TLE1: variants seen among roughly 807,000 people sequenced by gnomAD.
TLE1 encodes TLE family member 1, transcriptional corepressor.
A neutral mutation model predicts 89.8 loss-of-function variants in TLE1; 21 were observed. That is an observed-to-expected ratio of 0.23 (90% CI 0.17 to 0.34). The LOEUF (loss-of-function observed/expected upper bound fraction) is 0.34. TLE1 is among the 10% of genes least tolerant of loss of function. The probability of loss-of-function intolerance (pLI) is 1.00; values close to 1 mark genes in which losing one functional copy is unlikely to be tolerated. For synonymous variants in TLE1, 447 were observed against 407.6 expected (o/e 1.10, Z -1.16); for missense variants, 795 against 1,031.2 (o/e 0.77, Z 3.14).
In TLE1 at chr9:81,688,329, G is replaced by T; in HGVS notation, c.-89C>A. On this transcript the variant is annotated 5_prime_UTR_variant, in exon 1 of 20. Coordinates refer to ENST00000376499, the MANE Select transcript of TLE1 (RefSeq NM_005077.5). ...TAATCCCGCCGAGGAAAATTAAGCC[G>T]GAAAGCCAAGCAGAAGCGGGGAGCG... 1 of 1,380,128 alleles carries T rather than the reference G, an allele frequency of 7.2e-7. No homozygotes were observed. Among genetic ancestry groups the T allele is most frequent in the Non-Finnish European group, 9.5e-7 (1 of 1,052,950 alleles). The allele number at this position is 1,380,128 out of a possible 1,614,324, so 85.5% of individuals were successfully genotyped here.
At chr9:81,687,669 C>T (rs1343513248) in intron 1 of TLE1, among the ~76,000 whole-genome samples, 1 of 152,104 alleles carries the variant, frequency 6.6e-6, no homozygotes. Context: ...GCGGATTGCG[C>T]TAAGTGCGCC....
rs1455466639 is a variant in TLE1, at chr9:81,600,169, A to C, written c.1332-6895T>G. ...AAATTCTTGGATGGAAAGTAAAACA[A>C]AAAGAGGCTTAATATATTGCTATTT... On this transcript the variant is annotated intron_variant, in intron 14 of 19. Coordinates refer to ENST00000376499, the MANE Select transcript of TLE1 (RefSeq NM_005077.5). 8.5e-6 allele frequency: 6 copies of C among 707,366 alleles called. No homozygotes were observed. In the East Asian group the frequency reaches 1.6e-4, roughly 19 times the overall value. The allele number at this position is 707,366 out of a possible 1,614,324, so 43.8% of individuals were successfully genotyped here.
Position 81,609,000 on chromosome 9 carries a change from A to C in TLE1, c.1331+1220T>G, listed in dbSNP as rs535345864. On this transcript the variant is annotated intron_variant, in intron 14 of 19. Coordinates refer to ENST00000376499, the MANE Select transcript of TLE1 (RefSeq NM_005077.5). ...AAGAAAAAAAAGCAACAACATTTGC[A>C]AAGATCTGCTGCCTTAAAGAAAAAG... Among the ~76,000 whole-genome samples the C allele has an allele frequency of 2.0e-5, 3 of 152,252 alleles. No homozygotes were observed. The East Asian group carries it at 5.8e-4, about 29-fold the overall frequency.
chr9:81,670,168 CTGAG>C (rs1377246290), intron 4 of TLE1, among the ~76,000 whole-genome samples: 2 of 152,342 alleles, frequency 1.3e-5, no homozygotes, highest in Admixed American at 6.5e-5. Flanking sequence ...TACAGTCCTC[CTGAG>C]TAATAGACTT....
Position 81,590,877 on chromosome 9 carries a change from G to A in TLE1, c.1757C>T (p.Ser586Phe). The A allele has an allele frequency of 6.2e-7, 1 of 1,614,244 alleles. No individual in the cohort carries two copies. Among genetic ancestry groups the A allele is most frequent in the Non-Finnish European group, 8.5e-7 (1 of 1,180,046 alleles). Residue 586 changes from serine (S) to phenylalanine (F), a missense_variant, in exon 16 of 20, where the codon TCC (serine) becomes TTC (phenylalanine). By Grantham distance (155) the Ser-to-Phe change is radical. Around this residue, in one of 4 missense-constraint regions of TLE1, gnomAD observed 214 missense variants for 354.9 expected, o/e 0.60. Transcript: ENST00000376499. Reference sequence around the variant, plus strand: ...GCTGCAGCATGAGAAGCAGACCTTGGAATCGGGGCTGATGGCCAGGGCGTA... The same window carrying A: ...GCTGCAGCATGAGAAGCAGACCTTGAAATCGGGGCTGATGGCCAGGGCGTA... ...ACYALAISPDSKVCFSCCSDG... is the reference protein window; with the variant it reads ...ACYALAISPDFKVCFSCCSDG...
chr9:81,644,619 A>C (rs1828588805), intron 6 of TLE1, among the ~76,000 whole-genome samples: 2 of 152,164 alleles, frequency 1.3e-5, no homozygotes, highest in Admixed American at 6.5e-5. Context: ...GGTGACAAAA[A>C]TGTTCTAGAA....
At position 81,610,263 on chromosome 9, in the gene TLE1, G is replaced by C. The variant is rs139039794; in HGVS notation, c.1288C>G (p.Pro430Ala). The C allele has an allele frequency of 3.7e-6, 6 of 1,613,848 alleles. No homozygotes were observed. In the African/African-American group the frequency reaches 8.0e-5, roughly 22 times the overall value. The change falls in exon 14 of 20, where the codon CCT (proline) becomes GCT (alanine). Residue 430 changes from proline (P) to alanine (A), a missense_variant. Pro to Ala is a conservative substitution (Grantham distance 27). Coordinates refer to ENST00000376499, the MANE Select transcript of TLE1 (RefSeq NM_005077.5). ...GFDPPPHMRV[P>A]TIPPNLAGIP... ...CCTGCCAGGTTTGGAGGAATGGTAGGTACTCTCATGTGAGGGGGAGGATCA... is the reference window on the plus strand; with the variant it reads ...CCTGCCAGGTTTGGAGGAATGGTAGCTACTCTCATGTGAGGGGGAGGATCA...
intron 4 of TLE1, among the ~76,000 whole-genome samples, chr9:81,673,272 TAAAAAAA>T (rs5898756): frequency 1.6e-4 from 16 of 98,022 alleles, no homozygotes; most frequent in African/African-American, 6.0e-4. Flanking sequence ...AGACTTCATT[TAAAAAAA>T]AAAAAAAAAA....
chr9:81,653,664 G>C (rs1307380733), intron 5 of TLE1, among the ~76,000 whole-genome samples: 1 of 152,124 alleles, frequency 6.6e-6, no homozygotes. Flanking sequence ...CTATTTAAAA[G>C]ATATAAAAGA....
At chr9:81,629,409 T>C (rs975558502) in intron 8 of TLE1, among the ~76,000 whole-genome samples, 6 of 152,294 alleles carry the variant, frequency 3.9e-5, no homozygotes, top group African/African-American at 1.4e-4. Context: ...GCTGCACTTA[T>C]ATAAGAAAAA....
intron 18 of TLE1, 152 bp from the exon 19 acceptor site, chr9:81,584,676 T>C: frequency 1.4e-6 from 1 of 691,056 alleles, no homozygotes; most frequent in Non-Finnish European, 2.4e-6. Flanking sequence ...GGTTTTAATC[T>C]GGGCTCCTCA....
At chr9:81,627,533 A>G (rs1826053083) in intron 8 of TLE1, among the ~76,000 whole-genome samples, 1 of 152,188 alleles carries the variant, frequency 6.6e-6, no homozygotes, top group African/African-American at 2.4e-5. Context: ...CAGTGATGCC[A>G]ACTTTCTCAA....
intron 4 of TLE1, among the ~76,000 whole-genome samples, chr9:81,655,846 C>G (rs1328791810): frequency 8.5e-6 from 1 of 117,022 alleles, no homozygotes; most frequent in Admixed American, 8.5e-5. Context: ...GAGCAAGACC[C>G]TGTCTCAAAA....
intron 4 of TLE1, among the ~76,000 whole-genome samples, chr9:81,658,010 A>G (rs559240849): frequency 2.3e-4 from 35 of 150,494 alleles, no homozygotes; most frequent in Non-Finnish European, 4.1e-4. Context: ...CCCGGGTTCT[A>G]AGGAACTCTC....
intron 4 of TLE1, among the ~76,000 whole-genome samples, chr9:81,662,361 TTGTGTGTGTGTGTGTGTGTGTGTGTGTG>T (rs371936084): frequency 7.2e-6 from 1 of 138,360 alleles, no homozygotes; most frequent in East Asian, 2.1e-4. Context: ...TGTGCCTGTT[TTGTGTGTGTGTGTGTGTGTGTGTGTGTG>T]TGTGTGTGTG....
intron 6 of TLE1, among the ~76,000 whole-genome samples, chr9:81,636,489 T>C (rs1318057612): frequency 1.3e-5 from 2 of 151,584 alleles, no homozygotes; most frequent in African/African-American, 4.8e-5. Flanking sequence ...CACAAGCAAG[T>C]GCAGCGGGTA....
chr9:81,656,319 T>A (rs1442141388), intron 4 of TLE1, among the ~76,000 whole-genome samples: 1 of 151,998 alleles, frequency 6.6e-6, no homozygotes, highest in East Asian at 1.9e-4. Flanking sequence ...TGTAAAGGAG[T>A]AGAGATGCCT....
intron 14 of TLE1, among the ~76,000 whole-genome samples, chr9:81,606,321 CAT>C (rs1316875819): frequency 5.3e-5 from 8 of 152,336 alleles, no homozygotes; most frequent in East Asian, 3.9e-4. Context: ...CACATGCACA[CAT>C]ATGTTTATTG....
At chr9:81,687,582 C>T (rs1408957518) in intron 1 of TLE1, 148 bp from the exon 2 acceptor site, 2 of 608,740 alleles carry the variant, frequency 3.3e-6, no homozygotes, top group African/African-American at 1.8e-5. Flanking sequence ...TTGCCCTTCA[C>T]TATGGGGAGG....
Sources: allele counts gnomAD v4.1 joint callset (sites outside exome capture counted in the v4.1 genomes callset), GRCh38; gene constraint gnomAD v4.1.1; regional missense constraint gnomAD v4.1.1; transcripts MANE v1.5; gene names NCBI Gene and HGNC (gene_info 2026-07-23, HGNC 2026-07-21).